EBF4: variants seen among roughly 807,000 people sequenced by gnomAD.
The protein encoded by EBF4 is transcription factor COE4.
Under a neutral mutation model 67.1 loss-of-function variants are expected in EBF4, and 34 were observed. That is an observed-to-expected ratio of 0.51 (90% CI 0.39 to 0.67). EBF4 has a LOEUF of 0.67. EBF4 is among the 30% of genes least tolerant of loss of function. EBF4 has a pLI of 0.00. For missense variants in EBF4, 837 were observed against 873.3 expected (o/e 0.96, Z 0.52); for synonymous variants, 387 against 377.7 (o/e 1.02, Z -0.29).
chr20:2,732,870 C>T (rs1018759078), intron 6 of EBF4, among the ~76,000 whole-genome samples: 2 of 151,706 alleles, frequency 1.3e-5, no homozygotes, highest in African/African-American at 4.8e-5. Flanking sequence ...TATCCCCTAT[C>T]CCCACAAATG....
In EBF4 at chr20:2,737,014, C is replaced by A. The variant is rs537735369; in HGVS notation, c.558-11535C>A. Among the ~76,000 whole-genome samples the A allele has an allele frequency of 7.9e-5, 12 of 152,018 alleles. 1 individual carries two copies. In the South Asian group the frequency reaches 2.3e-3, roughly 29 times the overall value. On this transcript the variant is annotated intron_variant, in intron 6 of 16. Transcript: ENST00000609451. The stretch of plus-strand genomic sequence containing the variant: ...CTTGTAATCCCAGCACTTTGGGAGG[C>A]CAAGGTGGGCAGATCACAAGGTCAG...
intron 15 of EBF4, among the ~76,000 whole-genome samples, chr20:2,757,020 T>C (rs1474263499): frequency 6.6e-6 from 1 of 152,198 alleles, no homozygotes; most frequent in Non-Finnish European, 1.5e-5. Flanking sequence ...CTCAGCCTGA[T>C]GTAGGGGCTG....
intron 6 of EBF4, among the ~76,000 whole-genome samples, chr20:2,727,429 G>T: frequency 6.6e-6 from 1 of 152,146 alleles, no homozygotes; most frequent in Non-Finnish European, 1.5e-5. Flanking sequence ...TGCCACAGTT[G>T]TCCCTGCAGA....
rs1324905932 is a variant in EBF4 at position 2,745,759 on chromosome 20, T to C, written c.558-2790T>C. ...GCCGTCAATCGCTACTCTCCCTTCA[T>C]GGGTGTGGAAGGATTTACCTACCCC... On this transcript the variant is annotated intron_variant, in intron 6 of 16. Transcript: ENST00000609451. The surrounding 1 kb of genome is among the most constrained non-coding windows in gnomAD (Gnocchi z 5.2). 6.6e-6 allele frequency among the ~76,000 whole-genome samples: 1 copy of C among 152,104 alleles called. No individual in the cohort carries two copies. The highest frequency in any genetic ancestry group is 1.5e-5 in the Non-Finnish European group (1 of 68,010).
At chr20:2,704,324 G>A (rs2087420774) in intron 1 of EBF4, among the ~76,000 whole-genome samples, 1 of 152,048 alleles carries the variant, frequency 6.6e-6, no homozygotes, top group Admixed American at 6.6e-5. Context: ...CCATGTCTGT[G>A]GCCACAGCAC....
At position 2,714,208 on chromosome 20, in the gene EBF4, A is replaced by G. The variant is rs183241956; in HGVS notation, c.557+4566A>G. Among the ~76,000 whole-genome samples the G allele has an allele frequency of 3.5e-4, 53 of 152,294 alleles. 1 individual carries two copies. The highest frequency in any genetic ancestry group is 1.2e-3 in the African/African-American group (50 of 41,576). On this transcript the variant is annotated intron_variant, in intron 6 of 16. Coordinates refer to ENST00000609451, the Ensembl canonical transcript of EBF4. ...GAGTGAGGTTGAGCCCACCAGGGCT[A>G]TTTAAAGGCTATTTGTGTTTCCTTT...
At chr20:2,724,249 G>A (rs8116015) in intron 6 of EBF4, among the ~76,000 whole-genome samples, 4,976 of 152,292 alleles carry the variant, frequency 0.033, 170 homozygotes, top group African/African-American at 0.084. Flanking sequence ...GGAAATGGTT[G>A]TTAAACATTA....
At position 2,739,605 on chromosome 20, in the gene EBF4, T is replaced by A. The variant is rs2087939899; in HGVS notation, c.558-8944T>A. 6.6e-6 allele frequency among the ~76,000 whole-genome samples: 1 copy of A among 152,120 alleles called. No individual in the cohort carries two copies. The highest frequency in any genetic ancestry group is 1.9e-4 in the East Asian group (1 of 5,192). On this transcript the variant is annotated intron_variant, in intron 6 of 16. Coordinates refer to ENST00000609451, the Ensembl canonical transcript of EBF4. The surrounding 1 kb of genome is among the most constrained non-coding windows in gnomAD (Gnocchi z 4.5). ...TATTTAATAAATCTTTTTAAGTGGG[T>A]GTATGGAATGAATGAGGGGATGAAT...
In EBF4 at chr20:2,707,485, G is replaced by A. The variant is rs6107186; in HGVS notation, c.415-462G>A. 0.18 allele frequency among the ~76,000 whole-genome samples: 27,973 copies of A among 151,934 alleles called. 2,706 individuals carry two copies. The highest frequency in any genetic ancestry group is 0.29 in the Admixed American group (4,424 of 15,278). On this transcript the variant is annotated intron_variant, in intron 4 of 16. Coordinates refer to ENST00000609451, the Ensembl canonical transcript of EBF4. This position sits in a 1 kb window ranked among gnomAD's most constrained non-coding sequence, Gnocchi z 4.6. ...GGGAAGAGGCAGCTGTGCAGCCCTCGGAGCTGACTGGGCTGGCAGGGATAG... is the reference window on the plus strand; with the variant it reads ...GGGAAGAGGCAGCTGTGCAGCCCTCAGAGCTGACTGGGCTGGCAGGGATAG...
rs773701080 is a variant in EBF4, at chr20:2,707,979, C to T, written c.447C>T (p.Pro149=). The T allele has an allele frequency of 2.4e-5, 39 of 1,607,914 alleles. No homozygotes were observed. Among genetic ancestry groups the T allele is most frequent in the Admixed American group, 8.4e-5 (5 of 59,174 alleles). ...TCTATGAGGGGCAGGACAAGAACCCCGAAATGTGCCGAGTGCTGCTCACCC... is the reference window on the plus strand; with the variant it reads ...TCTATGAGGGGCAGGACAAGAACCCTGAAATGTGCCGAGTGCTGCTCACCC... Residue 149 remains proline (P), a synonymous_variant, in exon 5 of 17, where the codon CCC becomes CCT. Transcript: ENST00000609451. The surrounding 1 kb of genome is among the most constrained non-coding windows in gnomAD (Gnocchi z 4.6).
chr20:2,755,831 G>A lies in EBF4; in HGVS notation c.1738+7G>A. On this transcript the variant is annotated splice_region_variant and intron_variant, in intron 15 of 16. Coordinates refer to ENST00000609451, the Ensembl canonical transcript of EBF4. The surrounding 1 kb of genome is among the most constrained non-coding windows in gnomAD (Gnocchi z 4.7). ...CACGGAGAGGGGCTTCCAGGTGAGT[G>A]ATCCACCCTGCCTCACTGTGGCAGG... 3 of 1,544,840 alleles carry A rather than the reference G, an allele frequency of 1.9e-6. No individual in the cohort carries two copies. In the African/African-American group the frequency reaches 4.1e-5, roughly 21 times the overall value.
chr20:2,750,027 C>G, intron 10 of EBF4, 54 bp downstream of exon 10: 1 of 1,501,298 alleles, frequency 6.7e-7, no homozygotes, highest in Non-Finnish European at 8.9e-7. Context: ...GGAGCCCCAC[C>G]CTGCGCACTG....
At chr20:2,748,518 AC>A in intron 6 of EBF4, 30 bp from the exon 7 acceptor site, 3 of 1,545,024 alleles carry the variant, frequency 1.9e-6, no homozygotes, top group Non-Finnish European at 2.6e-6. Flanking sequence ...GAACCCCCAG[AC>A]CCTTGAGCCC....
At chr20:2,746,203 T>C (rs922848351) in intron 6 of EBF4, among the ~76,000 whole-genome samples, 3 of 151,972 alleles carry the variant, frequency 2.0e-5, no homozygotes, top group South Asian at 2.1e-4. Flanking sequence ...TAGTAACTAA[T>C]AAGAGAGAAA....
intron 6 of EBF4, among the ~76,000 whole-genome samples, chr20:2,744,371 G>A (rs376591043): frequency 1.2e-3 from 181 of 151,838 alleles, no homozygotes; most frequent in African/African-American, 3.8e-3. Context: ...TAGTAAATGC[G>A]AGTCACTTTC....
intron 1 of EBF4, among the ~76,000 whole-genome samples, chr20:2,699,995 G>A (rs2087351003): frequency 6.6e-6 from 1 of 152,172 alleles, no homozygotes; most frequent in Non-Finnish European, 1.5e-5. Flanking sequence ...GACTTGCTCA[G>A]GCTGCCAGAG....
At chr20:2,757,783 A>T (rs2088267835) in intron 15 of EBF4, among the ~76,000 whole-genome samples, 1 of 151,992 alleles carries the variant, frequency 6.6e-6, no homozygotes, top group Non-Finnish European at 1.5e-5. Flanking sequence ...CTCGTCTCTA[A>T]AAAAAATAGA....
rs1568569936 is a variant in EBF4 at position 2,709,553 on chromosome 20, CCTT to C, written c.489-19_489-17del. The C allele has an allele frequency of 2.6e-6, 4 of 1,544,522 alleles. No individual in the cohort carries two copies. The highest frequency in any genetic ancestry group is 2.6e-6 in the Non-Finnish European group (3 of 1,142,794). ...TCCTTCCTTGGCTTCTGCCTTCCCT[CCTT>C]CCTCATCTTTCCTTCAGCCGGTGCT... On this transcript the variant is annotated intron_variant, in intron 5 of 16. Transcript: ENST00000609451.
At chr20:2,692,804 AGCGGCGGCG>A (rs575394026), upstream of EBF4, 253 of 152,452 alleles carry the variant, frequency 1.7e-3, no homozygotes, top group Admixed American at 2.5e-3. The surrounding 1 kb of genome is among the most constrained non-coding windows in gnomAD (Gnocchi z 6.4). Context: ...CTCCCCCGGG[AGCGGCGGCG>A]GCGGCGGCGG....
Sources: gnomAD v4.1 joint callset for allele counts (sites outside exome capture counted in the v4.1 genomes callset) on GRCh38, gnomAD v4.1.1 for gene constraint, Gnocchi (gnomAD v3.1) non-coding constraint, MANE v1.5 for transcripts, NCBI Gene and HGNC (gene_info 2026-07-23, HGNC 2026-07-21) for gene names.